The following ACER3 variants were observed in gnomAD, a reference collection of about 807,000 sequenced individuals.
The protein encoded by ACER3 is alkaline ceramidase 3.
Under a neutral mutation model 48.9 loss-of-function variants are expected in ACER3, and 16 were observed. That is an observed-to-expected ratio of 0.33 (90% CI 0.22 to 0.50). ACER3 has a LOEUF of 0.50. ACER3 is among the 20% of genes least tolerant of loss of function. The probability of loss-of-function intolerance (pLI) is 0.98; values close to 1 mark genes in which losing one functional copy is unlikely to be tolerated. For synonymous variants in ACER3, 109 were observed against 107.8 expected (o/e 1.01, Z -0.07); for missense variants, 227 against 326.0 (o/e 0.70, Z 2.34).
chr11:77,017,377 G>A (rs2135331975), intron 9 of ACER3, among the ~76,000 whole-genome samples: 1 of 151,932 alleles, frequency 6.6e-6, no homozygotes, highest in East Asian at 1.9e-4. Flanking sequence ...AAAAGAAATG[G>A]ACAATATCCT....
chr11:76,927,788 C>T (rs569122203), intron 2 of ACER3, among the ~76,000 whole-genome samples: 1 of 152,142 alleles, frequency 6.6e-6, no homozygotes, highest in African/African-American at 2.4e-5. Context: ...AGGACATGAA[C>T]TCATCCTTTT....
chr11:76,993,217 G>C (rs1483656694), intron 6 of ACER3, among the ~76,000 whole-genome samples: 1 of 152,096 alleles, frequency 6.6e-6, no homozygotes, highest in Non-Finnish European at 1.5e-5. Context: ...TCCAGACACT[G>C]TACTAGGCAC....
In ACER3 at chr11:77,011,422, G is replaced by A. The variant is rs1949262199; in HGVS notation, c.498-3594G>A. 7 of 966,990 alleles carry A rather than the reference G, an allele frequency of 7.2e-6. No individual in the cohort carries two copies. The South Asian group carries it at 1.9e-4, about 26-fold the overall frequency. The allele number at this position is 966,990 out of a possible 1,614,324, so 59.9% of individuals were successfully genotyped here. ...AAACAGATAGCACCCTACCCCCACT[G>A]ATCATATTCCTGTCATATTTCAGTA... On this transcript the variant is annotated intron_variant, in intron 7 of 10. Transcript: ENST00000532485.
At chr11:76,908,190 C>T (rs1230358183) in intron 1 of ACER3, among the ~76,000 whole-genome samples, 6 of 152,096 alleles carry the variant, frequency 3.9e-5, no homozygotes, top group East Asian at 1.9e-4. Context: ...GAGCTGAGAT[C>T]GTGCCACTGC....
chr11:76,870,801 C>T (rs982772714), intron 1 of ACER3, among the ~76,000 whole-genome samples: 1 of 152,188 alleles, frequency 6.6e-6, no homozygotes, highest in African/African-American at 2.4e-5. Flanking sequence ...ATATGAGATA[C>T]AGCCACTAAT....
chr11:76,926,334 G>A lies in ACER3; in HGVS notation c.104-223G>A, dbSNP rs4488229. ...GATTTCCTTTAGTGGGTTTGCTGGTGGAAAATTTTTAGTTTCATTTGTCTG... is the reference window on the plus strand; with the variant it reads ...GATTTCCTTTAGTGGGTTTGCTGGTAGAAAATTTTTAGTTTCATTTGTCTG... On this transcript the variant is annotated intron_variant, in intron 1 of 10. Transcript: ENST00000532485. 0.57 allele frequency among the ~76,000 whole-genome samples: 86,876 copies of A among 151,850 alleles called. 28,026 individuals carry two copies. Among genetic ancestry groups the A allele is most frequent in the Non-Finnish European group, 0.74 (50,052 of 67,930 alleles).
chr11:76,931,931 A>G (rs1374734343), intron 2 of ACER3, among the ~76,000 whole-genome samples: 5 of 146,984 alleles, frequency 3.4e-5, no homozygotes, highest in Non-Finnish European at 7.4e-5. Flanking sequence ...GGTGAATCTG[A>G]CAATTATGTG....
At chr11:76,974,889 G>A (rs1028598302) in intron 3 of ACER3, among the ~76,000 whole-genome samples, 8 of 152,138 alleles carry the variant, frequency 5.3e-5, no homozygotes, top group African/African-American at 1.9e-4. Flanking sequence ...ATTATTACAT[G>A]TAATCTGCAG....
chr11:77,008,372 A>T (rs1403436037), intron 7 of ACER3, among the ~76,000 whole-genome samples: 2 of 152,254 alleles, frequency 1.3e-5, no homozygotes, highest in East Asian at 3.8e-4. Flanking sequence ...CAGGGTACCA[A>T]TACTTTTAGA....
chr11:76,872,553 T>G (rs1945268173), intron 1 of ACER3, among the ~76,000 whole-genome samples: 1 of 152,212 alleles, frequency 6.6e-6, no homozygotes, highest in African/African-American at 2.4e-5. Flanking sequence ...TGCCTAAGAT[T>G]ACATTGAAAA....
chr11:76,913,500 G>A (rs1185370675), intron 1 of ACER3, among the ~76,000 whole-genome samples: 1 of 151,870 alleles, frequency 6.6e-6, no homozygotes, highest in Non-Finnish European at 1.5e-5. Flanking sequence ...GATATTGGCT[G>A]TGGGTTTGTC....
intron 3 of ACER3, among the ~76,000 whole-genome samples, chr11:76,967,710 A>T (rs1948175709): frequency 1.3e-5 from 2 of 152,236 alleles, no homozygotes; most frequent in African/African-American, 2.4e-5. Context: ...ATCACAATAG[A>T]TGCAGCAAAG....
At position 76,886,728 on chromosome 11, in the gene ACER3, T is replaced by C. The variant is rs560329656; in HGVS notation, c.103+25649T>C. 6.6e-5 allele frequency among the ~76,000 whole-genome samples: 10 copies of C among 152,326 alleles called. No homozygotes were observed. In the South Asian group the frequency reaches 1.9e-3, roughly 28 times the overall value. On this transcript the variant is annotated intron_variant, in intron 1 of 10. Coordinates refer to ENST00000532485, the MANE Select transcript of ACER3 (RefSeq NM_018367.7). ...CAGAGCCTGACTCTGTGGCCCAGGCTGGAGTGCAGTGGTGCCATCTTGGCT... is the reference window on the plus strand; with the variant it reads ...CAGAGCCTGACTCTGTGGCCCAGGCCGGAGTGCAGTGGTGCCATCTTGGCT...
intron 2 of ACER3, among the ~76,000 whole-genome samples, chr11:76,952,471 G>A (rs1947703681): frequency 6.6e-6 from 1 of 151,746 alleles, no homozygotes; most frequent in Admixed American, 6.6e-5. Context: ...AGTTGGCCAG[G>A]CTGGTCTCGA....
At chr11:76,920,878 A>G (rs933452753) in intron 1 of ACER3, among the ~76,000 whole-genome samples, 6 of 152,030 alleles carry the variant, frequency 3.9e-5, no homozygotes, top group Non-Finnish European at 8.8e-5. Context: ...GGCTCAAGCA[A>G]TCCTCCCCCC....
Position 77,023,044 on chromosome 11 carries a change from A to G in ACER3, c.*2717A>G. ...AGAACAGCTAGGTGAAAGGAGGTTA[A>G]GCTGATTGTCACTCTGCCTGCCCAC... On this transcript the variant is annotated 3_prime_UTR_variant, in exon 11 of 11. Transcript: ENST00000532485. 2.5e-6 allele frequency: 1 copy of G among 398,466 alleles called. No individual in the cohort carries two copies. Among genetic ancestry groups the G allele is most frequent in the Non-Finnish European group, 4.4e-6 (1 of 225,982 alleles). 24.7% of individuals were successfully genotyped at this position (398,466 alleles called of 1,614,324 possible).
chr11:76,977,860 A>G (rs1471358912), intron 4 of ACER3, among the ~76,000 whole-genome samples: 1 of 152,180 alleles, frequency 6.6e-6, no homozygotes, highest in Non-Finnish European at 1.5e-5. Context: ...TGCAGGCTTG[A>G]AAGTGCCTGC....
chr11:76,928,281 A>G (rs1231569974), intron 2 of ACER3, among the ~76,000 whole-genome samples: 2 of 152,052 alleles, frequency 1.3e-5, no homozygotes, highest in African/African-American at 4.8e-5. Flanking sequence ...GTCTGTTCAT[A>G]TCCTTTGCCC....
chr11:76,934,394 C>T lies in ACER3; in HGVS notation c.214+7727C>T, dbSNP rs1947112687. Among the ~76,000 whole-genome samples the T allele has an allele frequency of 2.6e-5, 4 of 152,318 alleles. No individual in the cohort carries two copies. The South Asian group carries it at 8.3e-4, about 32-fold the overall frequency. On this transcript the variant is annotated intron_variant, in intron 2 of 10. Coordinates refer to ENST00000532485, the MANE Select transcript of ACER3 (RefSeq NM_018367.7). ...TCACGCCACTGCACTCCAGCCTGGG[C>T]ACCATTGAGCACTGAGTGAACGAGA...
Sources: gnomAD v4.1 joint callset for allele counts (sites outside exome capture counted in the v4.1 genomes callset) on GRCh38, gnomAD v4.1.1 for gene constraint, MANE v1.5 for transcripts, NCBI Gene and HGNC (gene_info 2026-07-23, HGNC 2026-07-21) for gene names.